Variants in SEZ6L observed in about 807,000 individuals in gnomAD.
SEZ6L encodes the protein seizure related 6 homolog like, also known as seizure 6-like protein.
SEZ6L carries 37 observed loss-of-function variants against 106.2 expected under a neutral mutation model. The observed-to-expected ratio is 0.35, with a 90% CI of 0.27 to 0.46. The LOEUF (loss-of-function observed/expected upper bound fraction) is 0.46. Ranked by LOEUF, SEZ6L falls within the 20% of genes least tolerant of loss-of-function variation. The pLI is 1.00. For missense variants in SEZ6L, 1,172 were observed against 1,332.8 expected (o/e 0.88, Z 1.88); for synonymous variants, 541 against 570.4 (o/e 0.95, Z 0.73).
intron 1 of SEZ6L, among the ~76,000 whole-genome samples, chr22:26,186,349 C>G (rs1939778900): frequency 6.6e-6 from 1 of 152,170 alleles, no homozygotes; most frequent in Non-Finnish European, 1.5e-5. Context: ...AGTTGTTATA[C>G]TTGTTAGAGC....
chr22:26,217,183 A>G (rs2078323328), intron 1 of SEZ6L, among the ~76,000 whole-genome samples: 1 of 152,210 alleles, frequency 6.6e-6, no homozygotes, highest in Non-Finnish European at 1.5e-5. Context: ...GCTAGTAGGT[A>G]GCAGAGCTGG....
chr22:26,293,481 C>T (rs896557238), intron 2 of SEZ6L, among the ~76,000 whole-genome samples: 2 of 152,182 alleles, frequency 1.3e-5, no homozygotes, highest in Non-Finnish European at 2.9e-5. Flanking sequence ...CAAGCATGCA[C>T]TATGATGTCC....
At chr22:26,220,285 C>A (rs1244522030) in intron 1 of SEZ6L, among the ~76,000 whole-genome samples, 1 of 152,206 alleles carries the variant, frequency 6.6e-6, no homozygotes, top group Non-Finnish European at 1.5e-5. Flanking sequence ...GGAGCTACAT[C>A]AATGAACAAG....
At chr22:26,228,074 C>A (rs2078688425) in intron 1 of SEZ6L, among the ~76,000 whole-genome samples, 1 of 152,216 alleles carries the variant, frequency 6.6e-6, no homozygotes, top group Admixed American at 6.5e-5. Context: ...ACTTGTCAAT[C>A]ACCTTCCATG....
chr22:26,273,461 C>T (rs899937321), intron 1 of SEZ6L, among the ~76,000 whole-genome samples: 2 of 152,264 alleles, frequency 1.3e-5, no homozygotes, highest in East Asian at 1.9e-4. Flanking sequence ...AGGCTCTGTG[C>T]GCCGCCTCGG....
intron 10 of SEZ6L, among the ~76,000 whole-genome samples, chr22:26,342,346 T>C (rs528330580): frequency 7.2e-5 from 11 of 152,276 alleles, no homozygotes; most frequent in Admixed American, 2.0e-4. Context: ...GACCCTGTGG[T>C]TGGAGCAAGA....
chr22:26,210,611 G>T (rs539112994), intron 1 of SEZ6L, among the ~76,000 whole-genome samples: 4 of 151,974 alleles, frequency 2.6e-5, no homozygotes. Context: ...GTGAGTGCGC[G>T]GACATTCATA....
At position 26,256,213 on chromosome 22, in the gene SEZ6L, G is replaced by A. The variant is rs144015527; in HGVS notation, c.95-36193G>A. ...TAAACAATGAAAGGCAGATAAGCTA[G>A]AGGGGTATTCGGGGATGCCAGGGAC... is the stretch of plus-strand genomic sequence containing the variant. On this transcript the variant is annotated intron_variant, in intron 1 of 16. Transcript: ENST00000248933. Among the ~76,000 whole-genome samples, 463 of 152,324 alleles carry A rather than the reference G, an allele frequency of 3.0e-3. 5 individuals carry two copies. The highest frequency in any genetic ancestry group is 4.8e-3 in the Non-Finnish European group (324 of 68,028).
intron 13 of SEZ6L, 49 bp downstream of exon 13, chr22:26,365,615 AGG>A: frequency 7.8e-6 from 12 of 1,531,910 alleles, no homozygotes; most frequent in Non-Finnish European, 1.1e-5. Context: ...TGGAGATGTC[AGG>A]CTCCTGGCTC....
At chr22:26,232,817 T>C (rs1905490224) in intron 1 of SEZ6L, among the ~76,000 whole-genome samples, 2 of 152,192 alleles carry the variant, frequency 1.3e-5, no homozygotes, top group Admixed American at 1.3e-4. Flanking sequence ...GACACATGAC[T>C]GTATTTAACC....
chr22:26,309,435 A>T (rs2081743906), intron 6 of SEZ6L, among the ~76,000 whole-genome samples: 1 of 152,184 alleles, frequency 6.6e-6, no homozygotes, highest in South Asian at 2.1e-4. Context: ...GTGTTTTAAG[A>T]CTTAATGTAA....
At chr22:26,293,199 C>G (rs994229562) in intron 2 of SEZ6L, 53 bp downstream of exon 2, 8 of 1,461,962 alleles carry the variant, frequency 5.5e-6, no homozygotes, top group Middle Eastern at 3.6e-4. Flanking sequence ...GAGGCACTCA[C>G]TATGTTCAGG....
At chr22:26,259,985 A>G (rs1234355171) in intron 1 of SEZ6L, among the ~76,000 whole-genome samples, 1 of 152,156 alleles carries the variant, frequency 6.6e-6, no homozygotes, top group Admixed American at 6.5e-5. Context: ...GAGTGGGGAA[A>G]TCATTACAAC....
intron 4 of SEZ6L, 34 bp downstream of exon 4, chr22:26,297,114 G>A (rs753475166): frequency 3.2e-5 from 48 of 1,493,976 alleles, no homozygotes; most frequent in East Asian, 2.4e-5. Context: ...AAACATAGGC[G>A]TTTGCCTCAG....
At chr22:26,260,134 T>C (rs558900917) in intron 1 of SEZ6L, among the ~76,000 whole-genome samples, 1 of 152,206 alleles carries the variant, frequency 6.6e-6, no homozygotes, top group Non-Finnish European at 1.5e-5. Flanking sequence ...ATTTACTTTT[T>C]AAAATTTTTT....
intron 13 of SEZ6L, among the ~76,000 whole-genome samples, chr22:26,370,003 C>CT (rs1405417481): frequency 6.6e-6 from 1 of 152,214 alleles, no homozygotes; most frequent in Non-Finnish European, 1.5e-5. Context: ...TGTAAACCCT[C>CT]TAACTGTCAC....
chr22:26,191,388 T>C (rs555965837), intron 1 of SEZ6L, among the ~76,000 whole-genome samples: 1 of 152,330 alleles, frequency 6.6e-6, no homozygotes, highest in Admixed American at 6.5e-5. Context: ...ATATACACCA[T>C]GGAATACTAT....
At chr22:26,219,509 A>C (rs571870340) in intron 1 of SEZ6L, among the ~76,000 whole-genome samples, 12 of 152,252 alleles carry the variant, frequency 7.9e-5, no homozygotes, top group Middle Eastern at 3.4e-3. Flanking sequence ...CTCAGACTTC[A>C]AGAACCTATT....
At chr22:26,355,186 C>G (rs1040048518) in intron 12 of SEZ6L, among the ~76,000 whole-genome samples, 3 of 152,250 alleles carry the variant, frequency 2.0e-5, no homozygotes, top group African/African-American at 4.8e-5. Flanking sequence ...ACTCTTCACC[C>G]TCACGGAAAT....
Sources: gnomAD v4.1 joint callset for allele counts (sites outside exome capture counted in the v4.1 genomes callset) on GRCh38, gnomAD v4.1.1 for gene constraint, MANE v1.5 for transcripts, NCBI Gene and HGNC (gene_info 2026-07-23, HGNC 2026-07-21) for gene names.